Variants in DPP10 observed in about 807,000 individuals in gnomAD.
DPP10 encodes the protein dipeptidyl peptidase like 10.
A neutral mutation model predicts 120.9 loss-of-function variants in DPP10; 33 were observed. The ratio of observed to expected loss-of-function variants is 0.27; its 90% CI spans 0.21 to 0.37. The LOEUF is 0.37. DPP10 is among the 10% of genes least tolerant of loss of function. The probability of loss-of-function intolerance (pLI) is 1.00; values close to 1 mark genes in which losing one functional copy is unlikely to be tolerated. For synonymous variants in DPP10, 337 were observed against 326.1 expected (o/e 1.03, Z -0.36); for missense variants, 816 against 942.8 (o/e 0.87, Z 1.76).
intron 3 of DPP10, among the ~76,000 whole-genome samples, chr2:115,383,504 T>G (rs2066589681): frequency 6.6e-6 from 1 of 152,162 alleles, no homozygotes; most frequent in African/African-American, 2.4e-5. Flanking sequence ...GAAGTGGGAT[T>G]TTTACAAATT....
At chr2:115,304,385 C>T (rs1263351135) in intron 1 of DPP10, among the ~76,000 whole-genome samples, 3 of 152,018 alleles carry the variant, frequency 2.0e-5, no homozygotes, top group Admixed American at 6.6e-5. Flanking sequence ...ACAGTGTTCA[C>T]ACTCTAGGGC....
chr2:115,403,379 T>G (rs1294854390), intron 3 of DPP10, among the ~76,000 whole-genome samples: 4 of 72,144 alleles, frequency 5.5e-5, no homozygotes, highest in Non-Finnish European at 8.9e-5. Flanking sequence ...CTTTCTTTCC[T>G]TCTTTTTTTT....
At chr2:115,759,137 C>T (rs990272160) in intron 11 of DPP10, among the ~76,000 whole-genome samples, 1 of 151,866 alleles carries the variant, frequency 6.6e-6, no homozygotes, top group Non-Finnish European at 1.5e-5. Context: ...AAATATTTTG[C>T]CAAATGGGTA....
intron 1 of DPP10, among the ~76,000 whole-genome samples, chr2:114,688,981 A>T (rs952209569): frequency 3.3e-5 from 5 of 151,688 alleles, no homozygotes; most frequent in Non-Finnish European, 5.9e-5. Flanking sequence ...CCGAGATGTC[A>T]TTAACATTCC....
intron 2 of DPP10, among the ~76,000 whole-genome samples, chr2:115,339,598 T>C (rs548383804): frequency 6.6e-6 from 1 of 152,138 alleles, no homozygotes; most frequent in Non-Finnish European, 1.5e-5. Context: ...AAGAATGGTC[T>C]CTCAATACCC....
rs369092867 is a variant in DPP10, at chr2:115,565,297, CTA to C, written c.441+39327_441+39328del. 1.8e-4 allele frequency among the ~76,000 whole-genome samples: 27 copies of C among 152,272 alleles called. No individual in the cohort carries two copies. In the South Asian group the frequency reaches 5.2e-3, roughly 29 times the overall value. ...AACCCTTCACCCAGATTCTCTTTCA[CTA>C]TGTTTTATGTACATACACATTTACA... On this transcript the variant is annotated intron_variant, in intron 5 of 25. Transcript: ENST00000410059.
chr2:115,732,761 T>A (rs2092941320), intron 8 of DPP10, among the ~76,000 whole-genome samples: 1 of 152,150 alleles, frequency 6.6e-6, no homozygotes, highest in Non-Finnish European at 1.5e-5. Context: ...GGAACTAATA[T>A]GCTTAAGTGA....
At chr2:115,213,055 A>G (rs1240798880) in intron 1 of DPP10, among the ~76,000 whole-genome samples, 1 of 152,146 alleles carries the variant, frequency 6.6e-6, no homozygotes, top group Admixed American at 6.6e-5. Context: ...GAGTTCTTAA[A>G]TATAACCCTG....
chr2:115,802,309 T>A (rs991119075), intron 19 of DPP10, among the ~76,000 whole-genome samples: 1 of 152,232 alleles, frequency 6.6e-6, no homozygotes, highest in Non-Finnish European at 1.5e-5. Flanking sequence ...TTGTGTCTAT[T>A]TGATTCTTCT....
At chr2:115,016,276 T>C (rs1027032334) in intron 1 of DPP10, among the ~76,000 whole-genome samples, 2 of 152,184 alleles carry the variant, frequency 1.3e-5, no homozygotes, top group Non-Finnish European at 2.9e-5. Context: ...ATTTAATAAA[T>C]GGTTTTTGGA....
intron 2 of DPP10, among the ~76,000 whole-genome samples, chr2:115,342,715 C>T (rs1375886683): frequency 1.3e-5 from 2 of 152,128 alleles, no homozygotes; most frequent in African/African-American, 2.4e-5. Context: ...AACAGCATTT[C>T]GTTTTGCAAA....
chr2:115,610,302 G>T (rs923854004), intron 5 of DPP10, among the ~76,000 whole-genome samples: 1 of 152,060 alleles, frequency 6.6e-6, no homozygotes, highest in African/African-American at 2.4e-5. Flanking sequence ...ATTCAAGAAA[G>T]GGCCTGTAAT....
chr2:114,680,242 C>T (rs554737894), intron 1 of DPP10, among the ~76,000 whole-genome samples: 1 of 152,074 alleles, frequency 6.6e-6, no homozygotes, highest in South Asian at 2.1e-4. Context: ...CTAGTGATGT[C>T]CCTTATGGGA....
chr2:115,721,789 G>A (rs1474329728), intron 7 of DPP10, among the ~76,000 whole-genome samples: 2 of 152,140 alleles, frequency 1.3e-5, no homozygotes, highest in African/African-American at 2.4e-5. Context: ...GAATCTCAAA[G>A]AGTTATTAGC....
chr2:115,766,310 G>GTGTGTGTGTGTGTT, intron 12 of DPP10, among the ~76,000 whole-genome samples: 1 of 81,748 alleles, frequency 1.2e-5, no homozygotes, highest in Admixed American at 1.3e-4. Flanking sequence ...GTGTGTGTGT[G>GTGTGTGTGTGTGTT]TATATATATA....
At chr2:115,494,194 C>T (rs1012959231) in intron 3 of DPP10, among the ~76,000 whole-genome samples, 10 of 152,068 alleles carry the variant, frequency 6.6e-5, no homozygotes, top group Non-Finnish European at 1.0e-4. Context: ...CCACCCACCT[C>T]GACCTCCCAA....
chr2:115,317,877 A>T (rs1381793313), intron 2 of DPP10, among the ~76,000 whole-genome samples: 1 of 152,038 alleles, frequency 6.6e-6, no homozygotes, highest in Non-Finnish European at 1.5e-5. Flanking sequence ...CTCTTGTCAG[A>T]AACATATTTT....
At chr2:115,377,085 T>A (rs1480637717) in intron 3 of DPP10, among the ~76,000 whole-genome samples, 2 of 151,994 alleles carry the variant, frequency 1.3e-5, no homozygotes, top group African/African-American at 2.4e-5. Context: ...GATTGCTGGG[T>A]CAAATGGTAT....
At chr2:115,071,830 G>C (rs1226109099) in intron 1 of DPP10, among the ~76,000 whole-genome samples, 1 of 152,016 alleles carries the variant, frequency 6.6e-6, no homozygotes. Flanking sequence ...GAAATTTCCT[G>C]GTCAATAATC....
Sources: allele counts gnomAD v4.1 joint callset (sites outside exome capture counted in the v4.1 genomes callset), GRCh38; gene constraint gnomAD v4.1.1; transcripts MANE v1.5; gene names NCBI Gene and HGNC (gene_info 2026-07-23, HGNC 2026-07-21).